P4HA3: variants seen among roughly 807,000 people sequenced by gnomAD.
P4HA3 encodes prolyl 4-hydroxylase subunit alpha 3.
In P4HA3, 60 loss-of-function variants were observed where a neutral mutation model predicts 66.7. That is an observed-to-expected ratio of 0.90 (90% CI 0.73 to 1.12). The LOEUF is 1.12. Ranked by LOEUF, P4HA3 falls within the 50% of genes most tolerant of loss-of-function variation. P4HA3 has a pLI of 0.00. For missense variants in P4HA3, 683 were observed against 685.8 expected (o/e 1.00, Z 0.05); for synonymous variants, 263 against 274.6 (o/e 0.96, Z 0.42).
intron 3 of P4HA3, 28 bp from the exon 4 acceptor site, chr11:74,298,389 A>G (rs1281087847): frequency 1.9e-6 from 3 of 1,604,218 alleles, no homozygotes; most frequent in Non-Finnish European, 2.6e-6. Flanking sequence ...ACCATCGCCA[A>G]AGCCTTATTC....
chr11:74,272,944 G>C (rs1388113160), intron 10 of P4HA3, among the ~76,000 whole-genome samples: 2 of 152,200 alleles, frequency 1.3e-5, no homozygotes, highest in Admixed American at 6.5e-5. Flanking sequence ...GCCGAATCCT[G>C]ATCAGGCCAG....
intron 10 of P4HA3, among the ~76,000 whole-genome samples, chr11:74,272,921 G>A (rs2134730905): frequency 6.6e-6 from 1 of 152,346 alleles, no homozygotes; most frequent in African/African-American, 2.4e-5. Context: ...CAGGTGAGAT[G>A]ATACAGACTG....
intron 7 of P4HA3, 80 bp downstream of exon 7, chr11:74,285,729 G>C: frequency 7.0e-7 from 1 of 1,429,664 alleles, no homozygotes; most frequent in Non-Finnish European, 9.5e-7. Flanking sequence ...TAGTTGTTCA[G>C]GTTGCCTATT....
intron 4 of P4HA3, among the ~76,000 whole-genome samples, chr11:74,291,778 C>T (rs542523776): frequency 2.0e-5 from 3 of 152,328 alleles, no homozygotes; most frequent in Admixed American, 1.3e-4. Context: ...ATCAGCCTTG[C>T]ATCCCAGGGA....
At chr11:74,250,904 G>A (rs756002333) in intron 15 of P4HA3, 10 of 1,485,774 alleles carry the variant, frequency 6.7e-6, no homozygotes, top group Non-Finnish European at 9.2e-6. Context: ...GGCTGCATAA[G>A]AGAGGGCTCT....
At chr11:74,267,970 T>C (rs955588686) in intron 12 of P4HA3, among the ~76,000 whole-genome samples, 175 bp downstream of exon 12, 2 of 152,224 alleles carry the variant, frequency 1.3e-5, no homozygotes, top group African/African-American at 4.8e-5. Flanking sequence ...CCCTGCCTGT[T>C]ATAGGCTCCC....
intron 15 of P4HA3, chr11:74,251,397 ACT>A (rs1859656500): frequency 3.7e-6 from 5 of 1,366,942 alleles, no homozygotes; most frequent in Non-Finnish European, 4.7e-6. Context: ...CCATTCTGTA[ACT>A]CTGAGGGCAC....
chr11:74,286,474 T>A, intron 5 of P4HA3, 83 bp from the exon 6 acceptor site: 1 of 1,324,968 alleles, frequency 7.5e-7, no homozygotes, highest in Middle Eastern at 2.0e-4. Context: ...TTCCTCCAGC[T>A]TCACTGCTGC....
intron 3 of P4HA3, among the ~76,000 whole-genome samples, chr11:74,300,625 C>A (rs1861377483): frequency 6.6e-6 from 1 of 152,034 alleles, no homozygotes; most frequent in Admixed American, 6.6e-5. Context: ...CAGAGCAAAA[C>A]CCTAAGAAAA....
At chr11:74,283,133 G>A (rs570454341) in intron 7 of P4HA3, among the ~76,000 whole-genome samples, 1 of 152,158 alleles carries the variant, frequency 6.6e-6, no homozygotes. Context: ...GCTGATTCCT[G>A]GGAGAGCCAC....
At chr11:74,302,919 CTTTTT>C (rs1192091785) in intron 2 of P4HA3, among the ~76,000 whole-genome samples, 2 of 151,486 alleles carry the variant, frequency 1.3e-5, no homozygotes, top group African/African-American at 4.9e-5. Context: ...CTTTTCTTTT[CTTTTT>C]TTCTCTTCTC....
intron 3 of P4HA3, among the ~76,000 whole-genome samples, chr11:74,302,045 C>A (rs1485187827): frequency 1.3e-5 from 2 of 152,114 alleles, no homozygotes; most frequent in Non-Finnish European, 2.9e-5. Context: ...TAGTTCATGT[C>A]TGTTGTTCTA....
intron 2 of P4HA3, among the ~76,000 whole-genome samples, chr11:74,303,706 G>A (rs763375881): frequency 5.3e-5 from 8 of 151,260 alleles, no homozygotes; most frequent in Non-Finnish European, 1.0e-4. Context: ...CTCAGCTCCC[G>A]AGTAGCTGGG....
chr11:74,275,253 C>T (rs1860356187), intron 9 of P4HA3, among the ~76,000 whole-genome samples: 1 of 152,088 alleles, frequency 6.6e-6, no homozygotes, highest in Non-Finnish European at 1.5e-5. Context: ...AAATCTTTGC[C>T]TAACCTGTGG....
Position 74,267,031 on chromosome 11 carries a change from T to C in P4HA3, c.*217A>G, listed in dbSNP as rs780074278. 3 of 1,533,074 alleles carry C rather than the reference T, an allele frequency of 2.0e-6. No individual in the cohort carries two copies. The highest frequency in any genetic ancestry group is 2.4e-5 in the East Asian group (1 of 40,914). 95.0% of individuals were successfully genotyped at this position (1,533,074 alleles called of 1,614,324 possible). The stretch of plus-strand genomic sequence containing the variant: ...ACTCCCCCCTCCTTTGTACTGTGCA[T>C]CCTACTCTGACTTCCGTGGCTGGGG... On this transcript the variant is annotated 3_prime_UTR_variant, in exon 13 of 13. Coordinates refer to ENST00000331597, the MANE Select transcript of P4HA3 (RefSeq NM_182904.5).
At chr11:74,274,723 G>C (rs908215663) in intron 9 of P4HA3, among the ~76,000 whole-genome samples, 7 of 152,168 alleles carry the variant, frequency 4.6e-5, no homozygotes, top group African/African-American at 1.2e-4. Flanking sequence ...GAAATGGCTG[G>C]ATCATAAGTA....
intron 3 of P4HA3, among the ~76,000 whole-genome samples, chr11:74,299,880 T>G (rs1050609029): frequency 1.3e-5 from 2 of 152,154 alleles, no homozygotes; most frequent in Non-Finnish European, 2.9e-5. Context: ...GCCCAGGAAC[T>G]GGAACTAAGA....
intron 4 of P4HA3, among the ~76,000 whole-genome samples, chr11:74,293,638 C>A (rs1279606156): frequency 3.9e-5 from 6 of 152,134 alleles, no homozygotes; most frequent in Admixed American, 3.3e-4. Context: ...GTAGGGCAGG[C>A]CTGGTGGTGA....
At chr11:74,303,931 C>G (rs1044113368) in intron 2 of P4HA3, among the ~76,000 whole-genome samples, 1 of 152,014 alleles carries the variant, frequency 6.6e-6, no homozygotes, top group South Asian at 2.1e-4. Context: ...GGAAAGTGAT[C>G]TTGCTATAGA....
Sources: gnomAD v4.1 joint callset for allele counts (sites outside exome capture counted in the v4.1 genomes callset) on GRCh38, gnomAD v4.1.1 for gene constraint, MANE v1.5 for transcripts, NCBI Gene and HGNC (gene_info 2026-07-23, HGNC 2026-07-21) for gene names.